Variants in FRMD6 observed in about 807,000 individuals in gnomAD.
The protein encoded by FRMD6 is FERM domain-containing protein 6.
In FRMD6, 37 loss-of-function variants were observed where a neutral mutation model predicts 73.2. The observed-to-expected ratio is 0.51, with a 90% CI of 0.39 to 0.66. FRMD6 has a LOEUF of 0.66. Ranked by LOEUF, FRMD6 falls within the 30% of genes least tolerant of loss-of-function variation. The pLI is 0.00. For missense variants in FRMD6, 714 were observed against 780.5 expected, an observed-to-expected ratio of 0.91 and a Z score of 1.02; for synonymous variants, 273 against 282.2, an observed-to-expected ratio of 0.97 and a Z score of 0.33.
the FRMD6 span, among the ~76,000 whole-genome samples, chr14:51,440,222 G>C: frequency 1.3e-5 from 2 of 152,196 alleles, no homozygotes; most frequent in African/African-American, 4.8e-5. Context: ...ATGATCTTGA[G>C]TCATGAAGGA....
chr14:51,547,974 T>A (rs926424394), intron 1 of FRMD6: 2 of 152,094 alleles, frequency 1.3e-5, no homozygotes, highest in African/African-American at 4.8e-5. Context: ...TCATATAACA[T>A]TCATTTTGAA....
chr14:51,620,413 T>G (rs1348087066), intron 2 of FRMD6, among the ~76,000 whole-genome samples: 2 of 151,830 alleles, frequency 1.3e-5, no homozygotes, highest in Non-Finnish European at 2.9e-5. Context: ...TGGCGCATGG[T>G]TGGGGATTGG....
chr14:51,537,784 A>G (rs926401977), intron 1 of FRMD6, among the ~76,000 whole-genome samples: 1 of 152,174 alleles, frequency 6.6e-6, no homozygotes, highest in Non-Finnish European at 1.5e-5. Context: ...TCATATGCTC[A>G]CTTGTCATCT....
In FRMD6 at chr14:51,504,525, C is replaced by T. The variant is rs1016329677; in HGVS notation, c.-210+15105C>T. ...ACAGCTCTCAGCTTCATTTTTCAGTCGCTGACACAGCAGCTCATCTCCAGA... is the reference window on the plus strand; with the variant it reads ...ACAGCTCTCAGCTTCATTTTTCAGTTGCTGACACAGCAGCTCATCTCCAGA... On this transcript the variant is annotated intron_variant, in intron 1 of 14. Coordinates refer to the FRMD6 transcript ENST00000356218. Among the ~76,000 whole-genome samples the T allele has an allele frequency of 2.6e-5, 4 of 152,208 alleles. 1 individual carries two copies. The South Asian group carries it at 8.3e-4, about 31-fold the overall frequency.
chr14:51,538,028 T>C (rs1234421165), intron 1 of FRMD6, among the ~76,000 whole-genome samples: 1 of 152,204 alleles, frequency 6.6e-6, no homozygotes, highest in Non-Finnish European at 1.5e-5. Context: ...GCTTATCAAT[T>C]ATTTCTTTCC....
chr14:51,719,271 G>A (rs1172700169), intron 10 of FRMD6, among the ~76,000 whole-genome samples: 1 of 152,284 alleles, frequency 6.6e-6, no homozygotes, highest in African/African-American at 2.4e-5. Flanking sequence ...GTTTGACTGC[G>A]TTAAAGAACA....
chr14:51,643,641 T>G (rs1356294376), intron 2 of FRMD6: 2 of 152,104 alleles, frequency 1.3e-5, no homozygotes, highest in Non-Finnish European at 2.9e-5. Flanking sequence ...AGGGAGGGGT[T>G]TGGGGACTGA....
chr14:51,397,694 G>A, the FRMD6 span, among the ~76,000 whole-genome samples: 1 of 152,170 alleles, frequency 6.6e-6, no homozygotes, highest in Non-Finnish European at 1.5e-5. Context: ...AAATCTGAAT[G>A]TTTTGAGCAC....
chr14:51,496,168 T>A (rs1883280368), intron 1 of FRMD6, among the ~76,000 whole-genome samples: 1 of 152,160 alleles, frequency 6.6e-6, no homozygotes, highest in Non-Finnish European at 1.5e-5. Flanking sequence ...GCCCACGTCA[T>A]GAAGAGCATG....
chr14:51,693,112 C>CTT (rs1459035954), intron 2 of FRMD6, among the ~76,000 whole-genome samples: 1 of 152,246 alleles, frequency 6.6e-6, no homozygotes, highest in East Asian at 1.9e-4. Flanking sequence ...CATGGATATA[C>CTT]TTAAAACACA....
chr14:51,427,978 C>T, the FRMD6 span, among the ~76,000 whole-genome samples: 1 of 152,154 alleles, frequency 6.6e-6, no homozygotes, highest in African/African-American at 2.4e-5. Context: ...CAAAGAGGTA[C>T]ATCCAGTGGA....
At chr14:51,587,261 A>G (rs1459797147) in intron 2 of FRMD6, among the ~76,000 whole-genome samples, 1 of 152,056 alleles carries the variant, frequency 6.6e-6, no homozygotes, top group Non-Finnish European at 1.5e-5. Context: ...CTATGTGTCT[A>G]TTTTTATACC....
chr14:51,419,239 A>G, the FRMD6 span, among the ~76,000 whole-genome samples: 21 of 152,330 alleles, frequency 1.4e-4, no homozygotes, highest in Admixed American at 3.3e-4. Context: ...TTGGAAATGC[A>G]CAAATCACCA....
At chr14:51,627,635 G>A (rs1022539473) in intron 2 of FRMD6, among the ~76,000 whole-genome samples, 5 of 152,180 alleles carry the variant, frequency 3.3e-5, no homozygotes, top group African/African-American at 1.2e-4. Context: ...AACAAAGCAA[G>A]CACACTCCAT....
intron 1 of FRMD6, among the ~76,000 whole-genome samples, chr14:51,504,290 C>G (rs1383783387): frequency 6.6e-6 from 1 of 152,218 alleles, no homozygotes; most frequent in Non-Finnish European, 1.5e-5. Flanking sequence ...AGATGGCAGC[C>G]AGTTCCTTCC....
At chr14:51,419,907 T>C in the FRMD6 span, among the ~76,000 whole-genome samples, 141 of 151,398 alleles carry the variant, frequency 9.3e-4, no homozygotes, top group African/African-American at 3.0e-3. Context: ...TTCCTGCCCT[T>C]GTTAGGTGTG....
the FRMD6 span, among the ~76,000 whole-genome samples, chr14:51,473,839 TA>T: frequency 6.7e-6 from 1 of 149,100 alleles, no homozygotes; most frequent in South Asian, 2.1e-4. Flanking sequence ...TTTTTTTTTT[TA>T]AATCCCAAGA....
chr14:51,553,147 C>T (rs1380277220), intron 1 of FRMD6, among the ~76,000 whole-genome samples: 1 of 152,220 alleles, frequency 6.6e-6, no homozygotes, highest in Admixed American at 6.5e-5. Context: ...TTTACCTCCT[C>T]TTGGAGCTCT....
rs558213791 is a variant in FRMD6, at chr14:51,500,444, T to C, written c.-210+11024T>C. Among the ~76,000 whole-genome samples, 12 of 152,144 alleles carry C rather than the reference T, an allele frequency of 7.9e-5. No homozygotes were observed. In the South Asian group the frequency reaches 2.3e-3, roughly 29 times the overall value. ...CAGGAGGCTGAGGCAGGACAATCGC[T>C]TGAACCCTGGAAGCGGAGGTGGCAG... On this transcript the variant is annotated intron_variant, in intron 1 of 14. Transcript: ENST00000356218.
Sources: gnomAD v4.1 joint callset for allele counts (sites outside exome capture counted in the v4.1 genomes callset) on GRCh38, gnomAD v4.1.1 for gene constraint, MANE v1.5 for transcripts, NCBI Gene and HGNC (gene_info 2026-07-23, HGNC 2026-07-21) for gene names.